DHX16: variants seen among roughly 807,000 people sequenced by gnomAD.
DHX16 encodes DEAH-box helicase 16.
In DHX16, 81 loss-of-function variants were observed where a neutral mutation model predicts 131.2. That is an observed-to-expected ratio of 0.62 (90% confidence interval 0.52 to 0.74). DHX16 has a LOEUF of 0.74. Among genes scored for constraint, DHX16 ranks in the 30% least tolerant of loss-of-function variants. The pLI is 0.00. For missense variants in DHX16, 980 were observed against 1,363.1 expected, an observed-to-expected ratio of 0.72 and a Z score of 4.43; for synonymous variants, 440 against 520.2, an observed-to-expected ratio of 0.85 and a Z score of 2.10.
At chr6:30,671,408 C>T (rs1769540883) in intron 1 of DHX16, 134 bp from the exon 2 acceptor site, 10 of 819,266 alleles carry the variant, frequency 1.2e-5, no homozygotes, top group Non-Finnish European at 1.6e-5. Context: ...CAGGCAATGG[C>T]GTGATCTCGG....
In DHX16 at chr6:30,671,284, G is replaced by C; in HGVS notation, c.208-10C>G. On this transcript the variant is annotated splice_polypyrimidine_tract_variant and intron_variant, in intron 1 of 19. Coordinates refer to ENST00000376442, the MANE Select transcript of DHX16 (RefSeq NM_003587.5). ...CTGCCTTTCGTGGTACCTGTCAGTA[G>C]AGGGGAAGATAAGGAGGTCTGAGCA... 1 of 1,611,906 alleles carries C rather than the reference G, an allele frequency of 6.2e-7. No individual in the cohort carries two copies. Among genetic ancestry groups the C allele is most frequent in the Non-Finnish European group, 8.5e-7 (1 of 1,179,372 alleles).
At position 30,659,772 on chromosome 6, in the gene DHX16, C is replaced by CT; in HGVS notation, c.1817dup (p.Pro607AlafsTer16). Reference sequence around the variant, plus strand: ...GGAACACCAGGATATCCCCAGGGGGCTGGGTCACATGGATCTGCAACACAG... The same window carrying CT: ...GGAACACCAGGATATCCCCAGGGGGCTTGGGTCACATGGATCTGCAACACAG... On this transcript the variant is annotated frameshift_variant, in exon 11 of 20. Coordinates refer to ENST00000376442, the MANE Select transcript of DHX16 (RefSeq NM_003587.5). LOFTEE classifies it high-confidence loss of function. 6.2e-7 allele frequency: 1 copy of CT among 1,614,152 alleles called. No homozygotes were observed. The highest frequency in any genetic ancestry group is 1.3e-5 in the African/African-American group (1 of 75,052).
In DHX16 at chr6:30,672,849, C is replaced by A. The variant is rs558076828; in HGVS notation, c.-8G>T. ...ACCCGCCGGCGTCGCCATGGCGACT[C>A]ACGCTCCCTGCTCCCGGCCCTGAAG... On this transcript the variant is annotated 5_prime_UTR_variant, in exon 1 of 20. Coordinates refer to ENST00000376442, the MANE Select transcript of DHX16 (RefSeq NM_003587.5). 6.2e-7 allele frequency: 1 copy of A among 1,612,062 alleles called. No homozygotes were observed. The highest frequency in any genetic ancestry group is 1.3e-5 in the African/African-American group (1 of 74,928).
At position 30,670,513 on chromosome 6, in the gene DHX16, C is replaced by A; in HGVS notation, c.610-47G>T. On this transcript the variant is annotated intron_variant, in intron 3 of 19. Coordinates refer to ENST00000376442, the MANE Select transcript of DHX16 (RefSeq NM_003587.5). This position sits in a 1 kb window ranked among gnomAD's most constrained non-coding sequence, Gnocchi z 4.4. ...GAGGGGTGTGAGGCCAAAGAGCCCCCACACTGACAGCTGCTCCCCTCTAGA... is the reference window on the plus strand; with the variant it reads ...GAGGGGTGTGAGGCCAAAGAGCCCCAACACTGACAGCTGCTCCCCTCTAGA... 6.3e-7 allele frequency: 1 copy of A among 1,576,370 alleles called. No individual in the cohort carries two copies. The highest frequency in any genetic ancestry group is 1.4e-5 in the African/African-American group (1 of 74,020).
In DHX16 at chr6:30,657,104, G is replaced by C; in HGVS notation, c.2008-12C>G. The C allele has an allele frequency of 6.2e-7, 1 of 1,606,674 alleles. No homozygotes were observed. Among genetic ancestry groups the C allele is most frequent in the Non-Finnish European group, 8.5e-7 (1 of 1,176,798 alleles). The stretch of plus-strand genomic sequence containing the variant: ...GTTGCCACAACCACCTGAGTGATAG[G>C]ATATGGGGTCACCCAGTGACCCCAC... On this transcript the variant is annotated splice_polypyrimidine_tract_variant and intron_variant, in intron 12 of 19. Coordinates refer to ENST00000376442, the MANE Select transcript of DHX16 (RefSeq NM_003587.5).
At position 30,672,732 on chromosome 6, in the gene DHX16, C is replaced by T; in HGVS notation, c.110G>A (p.Cys37Tyr). Residue 37 changes from cysteine to tyrosine, a missense_variant, in exon 1 of 20, where the codon TGC becomes TAC. Physicochemically the swap from Cys to Tyr is radical, Grantham distance 194 (BLOSUM62 -2). This residue lies in a region of DHX16 where 457 missense variants were observed against 554.8 expected (regional missense o/e 0.82). Transcript: ENST00000376442. The stretch of plus-strand genomic sequence containing the variant: ...CTGCACGAACTCCTCGGCAGAGGTG[C>T]AGCGCTGTGCGGTACCGATCAGAAA... ...AQFLIGTAQRCTSAEEFVQRL... is the reference protein window; with the variant it reads ...AQFLIGTAQRYTSAEEFVQRL... The T allele has an allele frequency of 6.2e-7, 1 of 1,613,048 alleles. No individual in the cohort carries two copies. Among genetic ancestry groups the T allele is most frequent in the Non-Finnish European group, 8.5e-7 (1 of 1,180,014 alleles).
rs1258972483 is a variant in DHX16 at position 30,661,763 on chromosome 6, G to A, written c.1544+864C>T. On this transcript the variant is annotated intron_variant, in intron 9 of 19. Coordinates refer to ENST00000376442, the MANE Select transcript of DHX16 (RefSeq NM_003587.5). ...CAACTCTTTGTGCCTAACCCTAACT[G>A]TGATGGTGAAGTCCCCAGCCATTCC... 4.2e-6 allele frequency: 3 copies of A among 717,574 alleles called. No individual in the cohort carries two copies. The South Asian group carries it at 4.4e-5, about 11-fold the overall frequency. The allele number at this position is 717,574 out of a possible 1,614,324, so 44.5% of individuals were successfully genotyped here. A position where few individuals can be genotyped will look rare whatever the true frequency, so the allele number is the denominator to read the frequency against.
intron 10 of DHX16, 79 bp downstream of exon 10, chr6:30,659,953 T>G: frequency 6.4e-7 from 1 of 1,558,818 alleles, no homozygotes; most frequent in Non-Finnish European, 8.8e-7. Context: ...CATTCCATCT[T>G]TCCCTCCACA....
rs745657635 is a variant in DHX16 at position 30,656,150 on chromosome 6, G to A, written c.2498+48C>T. 5.7e-6 allele frequency: 9 copies of A among 1,568,146 alleles called. No homozygotes were observed. The highest frequency in any genetic ancestry group is 2.7e-5 in the African/African-American group (2 of 74,000). ...AAAGGGGACCCTGGAGACAGAGGAG[G>A]CCTGGCCTGTTTGTGTGCTGGGGGC... On this transcript the variant is annotated intron_variant, in intron 16 of 19. Transcript: ENST00000376442. The surrounding 1 kb of genome is among the most constrained non-coding windows in gnomAD (Gnocchi z 5.1).
chr6:30,656,429 C>A lies in DHX16; in HGVS notation c.2392G>T (p.Ala798Ser). 7 of 1,614,170 alleles carry A rather than the reference C, an allele frequency of 4.3e-6. No homozygotes were observed. Among genetic ancestry groups the A allele is most frequent in the Non-Finnish European group, 5.9e-6 (7 of 1,180,036 alleles). ...TLLLALEQLYALGALNHLGEL... is the reference protein window; with the variant it reads ...TLLLALEQLYSLGALNHLGEL... The stretch of plus-strand genomic sequence containing the variant: ...CCAAGGTGGTTGAGGGCTCCCAGAG[C>A]ATACAGCTGCTCCAAAGCCAGCAGC... Residue 798 changes from alanine to serine, a missense_variant, in exon 15 of 20, where the codon GCT becomes TCT. Transcript: ENST00000376442. The surrounding 1 kb of genome is among the most constrained non-coding windows in gnomAD (Gnocchi z 5.1).
Position 30,656,681 on chromosome 6 carries a change from A to G in DHX16, c.2227T>C (p.Tyr743His), listed in dbSNP as rs1561971054. ...KCFRLYTAWA[Y>H]QHELEETTVP... ...GTGGTTTCCTCAAGCTCGTGCTGAT[A>G]GGCCCAGGCGGTATACAGGCGGAAG... Residue 743 changes from tyrosine (Y) to histidine (H), a missense_variant, in exon 14 of 20, where the codon TAT becomes CAT. Physicochemically the swap from Tyr to His is moderately conservative, Grantham distance 83 (BLOSUM62 2). Transcript: ENST00000376442. This position sits in a 1 kb window ranked among gnomAD's most constrained non-coding sequence, Gnocchi z 5.1. 2 of 1,613,862 alleles carry G rather than the reference A, an allele frequency of 1.2e-6. No individual in the cohort carries two copies. The highest frequency in any genetic ancestry group is 1.3e-5 in the African/African-American group (1 of 74,914).
In DHX16 at chr6:30,662,378, C is replaced by T. The variant is rs1007681142; in HGVS notation, c.1544+249G>A. Among the ~76,000 whole-genome samples, 9 of 152,194 alleles carry T rather than the reference C, an allele frequency of 5.9e-5. No homozygotes were observed. The highest frequency in any genetic ancestry group is 1.9e-4 in the East Asian group (1 of 5,196). ...CAAGTGTTTTCAAATGGTCTTCACA[C>T]GGTATTTCAAGTCTCGGCAGCAATG... On this transcript the variant is annotated intron_variant, in intron 9 of 19. Coordinates refer to ENST00000376442, the MANE Select transcript of DHX16 (RefSeq NM_003587.5). This position sits in a 1 kb window ranked among gnomAD's most constrained non-coding sequence, Gnocchi z 4.7.
At chr6:30,668,430 C>T (rs1476748804) in intron 4 of DHX16, among the ~76,000 whole-genome samples, 2 of 152,070 alleles carry the variant, frequency 1.3e-5, no homozygotes, top group African/African-American at 4.8e-5. Flanking sequence ...GGGGGTGGAT[C>T]GCCAAAGGTC....
chr6:30,664,707 T>C (rs1768847706), intron 7 of DHX16, 94 bp downstream of exon 7: 3 of 1,125,494 alleles, frequency 2.7e-6, no homozygotes, highest in Non-Finnish European at 2.5e-6. Flanking sequence ...GATAGGTAAG[T>C]GACTACTAAA....
intron 4 of DHX16, among the ~76,000 whole-genome samples, chr6:30,668,400 T>C (rs1424223307): frequency 1.3e-5 from 2 of 152,088 alleles, no homozygotes; most frequent in Non-Finnish European, 2.9e-5. Context: ...CCTGTAATCT[T>C]AACATTTTGG....
chr6:30,656,835 T>C lies in DHX16; in HGVS notation c.2149-76A>G. The C allele has an allele frequency of 6.2e-7, 1 of 1,600,474 alleles. No individual in the cohort carries two copies. On this transcript the variant is annotated intron_variant, in intron 13 of 19. Transcript: ENST00000376442. This position sits in a 1 kb window ranked among gnomAD's most constrained non-coding sequence, Gnocchi z 5.1. ...AAAGGCAGTATTTATGCAAGAAATC[T>C]GGAAGGATGCAAACTGCTCATCCCG...
chr6:30,670,769 G>A lies in DHX16; in HGVS notation c.609+21C>T. ...CACCCTGGGATCTTGGGGATTTACA[G>A]AACATGCTGCTCCTATTCACCTTCT... On this transcript the variant is annotated intron_variant, in intron 3 of 19. Coordinates refer to ENST00000376442, the MANE Select transcript of DHX16 (RefSeq NM_003587.5). This position sits in a 1 kb window ranked among gnomAD's most constrained non-coding sequence, Gnocchi z 4.4. 1.2e-6 allele frequency: 2 copies of A among 1,612,336 alleles called. No individual in the cohort carries two copies. The highest frequency in any genetic ancestry group is 1.7e-6 in the Non-Finnish European group (2 of 1,179,862).
In DHX16 at chr6:30,656,562, C is replaced by T. The variant is rs757590853; in HGVS notation, c.2311+35G>A. The stretch of plus-strand genomic sequence containing the variant: ...GAGTCCCTTCAAAGGACAGTGACTC[C>T]AGCCCCTCCCTCCTCTCTCAGGTAG... On this transcript the variant is annotated intron_variant, in intron 14 of 19. Transcript: ENST00000376442. The surrounding 1 kb of genome is among the most constrained non-coding windows in gnomAD (Gnocchi z 5.1). 8.7e-6 allele frequency: 14 copies of T among 1,613,974 alleles called. No individual in the cohort carries two copies. Among genetic ancestry groups the T allele is most frequent in the Non-Finnish European group, 1.0e-5 (12 of 1,180,000 alleles).
At position 30,665,571 on chromosome 6, in the gene DHX16, G is replaced by T; in HGVS notation, c.829C>A (p.Arg277=). The part of the protein sequence containing the change: ...RQELKYKRRV[R]DLAREYRAAG... ...GCCCGGTACTCCCGGGCGAGATCCC[G>T]CACTCGCCGCTTATATTTGAGCTCC... is the stretch of plus-strand genomic sequence containing the variant. Residue 277 remains arginine, a synonymous_variant, in exon 5 of 20, where the codon CGG becomes AGG. Coordinates refer to ENST00000376442, the MANE Select transcript of DHX16 (RefSeq NM_003587.5). The surrounding 1 kb of genome is among the most constrained non-coding windows in gnomAD (Gnocchi z 4.8). The T allele has an allele frequency of 6.2e-7, 1 of 1,612,960 alleles. No homozygotes were observed. The highest frequency in any genetic ancestry group is 8.5e-7 in the Non-Finnish European group (1 of 1,180,032).
Sources: allele counts gnomAD v4.1 joint callset (sites outside exome capture counted in the v4.1 genomes callset), GRCh38; gene constraint gnomAD v4.1.1; regional missense constraint gnomAD v4.1.1; non-coding constraint Gnocchi (gnomAD v3.1); transcripts MANE v1.5; gene names NCBI Gene and HGNC (gene_info 2026-07-23, HGNC 2026-07-21).